Variants in PYGL observed in about 807,000 individuals in gnomAD.
PYGL encodes the protein glycogen phosphorylase, liver form.
PYGL carries 90 observed loss-of-function variants against 100.1 expected under a neutral mutation model. The observed-to-expected ratio is 0.90, with a 90% CI of 0.76 to 1.07. The LOEUF is 1.07. Ranked by LOEUF, PYGL falls within the 50% of genes least tolerant of loss-of-function variation. The pLI, the probability that PYGL is intolerant of heterozygous loss-of-function variation, is 0.00. For missense variants in PYGL, 1,016 were observed against 1,057.6 expected, an observed-to-expected ratio of 0.96 and a Z score of 0.55; for synonymous variants, 373 against 393.0, an observed-to-expected ratio of 0.95 and a Z score of 0.60.
intron 7 of PYGL, among the ~76,000 whole-genome samples, chr14:50,917,759 G>A (rs748647758): frequency 6.6e-6 from 1 of 152,242 alleles, no homozygotes; most frequent in Non-Finnish European, 1.5e-5. Context: ...TAGAGGCCAT[G>A]ATGGTGGCCA....
At chr14:50,927,775 G>A (rs1460442207) in intron 4 of PYGL, among the ~76,000 whole-genome samples, 2 of 152,196 alleles carry the variant, frequency 1.3e-5, no homozygotes, top group Non-Finnish European at 2.9e-5. Flanking sequence ...TTCATAACAA[G>A]TTGACCTGAG....
Position 50,905,318 on chromosome 14 carries a change from AC to A in PYGL, c.*73del. On this transcript the variant is annotated 3_prime_UTR_variant, in exon 20 of 20. Coordinates refer to ENST00000216392, the MANE Select transcript of PYGL (RefSeq NM_002863.5). ...CTATTATAGATTATTAGCTAACAAA[AC>A]AAAAACCAGTGAATGTTGTAAAAAT... is the stretch of plus-strand genomic sequence containing the variant. The A allele has an allele frequency of 6.8e-7, 1 of 1,477,176 alleles. No homozygotes were observed. Among genetic ancestry groups the A allele is most frequent in the Non-Finnish European group, 9.4e-7 (1 of 1,059,086 alleles). The allele number at this position is 1,477,176 out of a possible 1,614,324, so 91.5% of individuals were successfully genotyped here. A position where few individuals can be genotyped will look rare whatever the true frequency, so the allele number is the denominator to read the frequency against.
At chr14:50,935,978 C>T (rs80064399) in intron 2 of PYGL, among the ~76,000 whole-genome samples, 4,009 of 152,272 alleles carry the variant, frequency 0.026, 167 homozygotes, top group African/African-American at 0.092. Context: ...GGACTGATTG[C>T]CAGCTAGCTC....
At chr14:50,931,450 T>C (rs1214883380) in intron 4 of PYGL, among the ~76,000 whole-genome samples, 1 of 152,156 alleles carries the variant, frequency 6.6e-6, no homozygotes, top group African/African-American at 2.4e-5. Context: ...GCCACTGCCC[T>C]CAGTGCAATG....
At chr14:50,941,441 C>T (rs1054538513) in intron 1 of PYGL, among the ~76,000 whole-genome samples, 2 of 152,164 alleles carry the variant, frequency 1.3e-5, no homozygotes, top group African/African-American at 2.4e-5. Context: ...TAGCTAGAGC[C>T]TCACCAAGGC....
chr14:50,931,737 G>A lies in PYGL; in HGVS notation c.464C>T (p.Ala155Val). The change falls in exon 4 of 20, where the codon GCC becomes GTC. Residue 155 changes from alanine (A) to valine (V), a missense_variant. By Grantham distance (64) the Ala-to-Val change is moderately conservative. Transcript: ENST00000216392. ...TTCATACCGAATGCCGTATCCATAG[G>A]CTGCAAGTCCCAGGGTTGCCATGGA... The part of the protein sequence containing the change: ...LDSMATLGLA[A>V]YGYGIRYEYG... 2 of 1,613,858 alleles carry A rather than the reference G, an allele frequency of 1.2e-6. No individual in the cohort carries two copies. Among genetic ancestry groups the A allele is most frequent in the Non-Finnish European group, 1.7e-6 (2 of 1,179,896 alleles).
chr14:50,912,811 G>A (rs564580991), intron 13 of PYGL, among the ~76,000 whole-genome samples: 3 of 152,234 alleles, frequency 2.0e-5, no homozygotes, highest in Admixed American at 6.5e-5. Flanking sequence ...AAAATTAGCC[G>A]GGCGTGGTGG....
At chr14:50,906,110 G>A (rs2050333881) in intron 19 of PYGL, among the ~76,000 whole-genome samples, 2 of 152,030 alleles carry the variant, frequency 1.3e-5, no homozygotes, top group South Asian at 4.2e-4. Context: ...CACTCCACTG[G>A]GGCTTCAAAA....
Position 50,944,197 on chromosome 14 carries a change from G to A in PYGL, c.207C>T (p.Ile69=), listed in dbSNP as rs774283826. The part of the protein sequence containing the change: ...TVRDHLVGRW[I]RTQQHYYDKC... ...TGTCGTAGTAGTGCTGCTGCGTGCGGATCCAGCGCCCCACCAGGTGGTCGC... is the reference window on the plus strand; with the variant it reads ...TGTCGTAGTAGTGCTGCTGCGTGCGAATCCAGCGCCCCACCAGGTGGTCGC... The change falls in exon 1 of 20, where the codon ATC becomes ATT. Residue 69 remains isoleucine, a synonymous_variant. Transcript: ENST00000216392. 4 of 1,610,730 alleles carry A rather than the reference G, an allele frequency of 2.5e-6. No individual in the cohort carries two copies. The highest frequency in any genetic ancestry group is 1.7e-5 in the Admixed American group (1 of 59,958).
chr14:50,910,800 A>G (rs1457383813), intron 16 of PYGL, among the ~76,000 whole-genome samples: 2 of 152,136 alleles, frequency 1.3e-5, no homozygotes, highest in Non-Finnish European at 2.9e-5. Context: ...CCTGCAGGGA[A>G]ATAAGCCACA....
chr14:50,937,256 GA>G (rs1445890576), intron 2 of PYGL, among the ~76,000 whole-genome samples: 5 of 152,182 alleles, frequency 3.3e-5, no homozygotes. Context: ...CTCCTTTAAG[GA>G]GGAAGTGTAT....
Position 50,912,183 on chromosome 14 carries a change from A to T in PYGL, c.1741T>A (p.Cys581Ser). ...IHEYKRQLLNCLHVITMYNRI... is the reference protein window; with the variant it reads ...IHEYKRQLLNSLHVITMYNRI... ...TTGTACATCGTGATCACATGCAGAC[A>T]GTTCAAGAGCTGTCGCTTGTACTCA... The change falls in exon 14 of 20, where the codon TGT (cysteine) becomes AGT (serine). Residue 581 changes from cysteine (C) to serine (S), a missense_variant. Coordinates refer to ENST00000216392, the MANE Select transcript of PYGL (RefSeq NM_002863.5). The T allele has an allele frequency of 6.2e-7, 1 of 1,614,218 alleles. No individual in the cohort carries two copies. Among genetic ancestry groups the T allele is most frequent in the Non-Finnish European group, 8.5e-7 (1 of 1,180,040 alleles).
chr14:50,916,466 T>C (rs555279346), intron 9 of PYGL, among the ~76,000 whole-genome samples, 176 bp downstream of exon 9: 1 of 152,334 alleles, frequency 6.6e-6, no homozygotes, highest in African/African-American at 2.4e-5. Flanking sequence ...TTTATAGTCT[T>C]ACTCCCTATA....
Position 50,911,809 on chromosome 14 carries a change from C to T in PYGL, c.1890G>A (p.Val630=), listed in dbSNP as rs749675011. The T allele has an allele frequency of 1.2e-6, 2 of 1,614,110 alleles. No homozygotes were observed. Among genetic ancestry groups the T allele is most frequent in the South Asian group, 2.2e-5 (2 of 91,070 alleles). ...TTCCAACCATAGGGTCATTGTTCAC[C>T]ACATCTGCCACTGAAGTGATCAGCT... The part of the protein sequence containing the change: ...IIKLITSVAD[V]VNNDPMVGSK... The change falls in exon 16 of 20, where the codon GTG becomes GTA. Residue 630 remains valine, a synonymous_variant. Transcript: ENST00000216392.
At chr14:50,934,475 G>T (rs954145004) in intron 3 of PYGL, among the ~76,000 whole-genome samples, 1 of 152,072 alleles carries the variant, frequency 6.6e-6, no homozygotes, top group Non-Finnish European at 1.5e-5. Context: ...TACTTTACTG[G>T]ATAGATCTCC....
intron 12 of PYGL, among the ~76,000 whole-genome samples, chr14:50,913,573 A>C (rs1339287067): frequency 1.3e-5 from 2 of 151,752 alleles, no homozygotes; most frequent in African/African-American, 4.8e-5. Context: ...ACGGGGTTTC[A>C]CTGTGTTAGC....
At chr14:50,936,663 G>C (rs2050655425) in intron 2 of PYGL, among the ~76,000 whole-genome samples, 1 of 152,128 alleles carries the variant, frequency 6.6e-6, no homozygotes, top group East Asian at 1.9e-4. Context: ...ACAGAAATGA[G>C]CTGGGCAAGG....
Position 50,944,435 on chromosome 14 carries a change from G to A in PYGL, c.-32C>T, listed in dbSNP as rs758613627. ...GGCGGCGGGCTGCGCGGCGGGCTGCGCAGAGAGCTGGAAGTGCGGCCGGAG... is the reference window on the plus strand; with the variant it reads ...GGCGGCGGGCTGCGCGGCGGGCTGCACAGAGAGCTGGAAGTGCGGCCGGAG... On this transcript the variant is annotated 5_prime_UTR_variant, in exon 1 of 20. Coordinates refer to ENST00000216392, the MANE Select transcript of PYGL (RefSeq NM_002863.5). 23 of 1,578,478 alleles carry A rather than the reference G, an allele frequency of 1.5e-5. No individual in the cohort carries two copies. Among genetic ancestry groups the A allele is most frequent in the Non-Finnish European group, 2.0e-5 (23 of 1,165,714 alleles).
At chr14:50,917,155 C>T (rs1440909079) in intron 7 of PYGL, 50 bp from the exon 8 acceptor site, 1 of 1,562,454 alleles carries the variant, frequency 6.4e-7, no homozygotes, top group East Asian at 2.2e-5. Flanking sequence ...TAGGTGTGGC[C>T]AAAATGTGAC....
Sources: gnomAD v4.1 joint callset for allele counts (sites outside exome capture counted in the v4.1 genomes callset) on GRCh38, gnomAD v4.1.1 for gene constraint, MANE v1.5 for transcripts, NCBI Gene and HGNC (gene_info 2026-07-23, HGNC 2026-07-21) for gene names.